GSG1L2: variants seen among roughly 807,000 people sequenced by gnomAD.
GSG1L2 encodes the protein germ cell-specific gene 1-like protein 2.
In GSG1L2, 15 loss-of-function variants were observed where a neutral mutation model predicts 9.0. The observed-to-expected ratio is 1.67, with a 90% CI of 1.12 to 2.57. GSG1L2 has a LOEUF of 2.57. Ranked by LOEUF, GSG1L2 falls within the 30% of genes most tolerant of loss-of-function variation. The pLI, the probability that GSG1L2 is intolerant of heterozygous loss-of-function variation, is 0.00. For synonymous variants in GSG1L2, 127 were observed against 57.9 expected, an observed-to-expected ratio of 2.19 and a Z score of -5.41; for missense variants, 286 against 150.3, an observed-to-expected ratio of 1.90 and a Z score of -4.72.
intron 1 of GSG1L2, among the ~76,000 whole-genome samples, chr17:9,815,548 T>C (rs961517470): frequency 1.3e-5 from 2 of 152,232 alleles, no homozygotes; most frequent in African/African-American, 4.8e-5. Context: ...AATTCCTGTA[T>C]CGGGGGACTT....
chr17:9,808,486 G>A (rs934706756), intron 3 of GSG1L2, among the ~76,000 whole-genome samples: 4 of 152,102 alleles, frequency 2.6e-5, no homozygotes, highest in Non-Finnish European at 4.4e-5. Context: ...CACCCATTAA[G>A]GAGACGTCTG....
At position 9,802,462 on chromosome 17, in the gene GSG1L2, CA is replaced by C; in HGVS notation, c.805del (p.Cys269AlafsTer75). 1 of 702,270 alleles carries C rather than the reference CA, an allele frequency of 1.4e-6. No homozygotes were observed. Among genetic ancestry groups the C allele is most frequent in the East Asian group, 2.7e-5 (1 of 37,276 alleles). 43.5% of individuals were successfully genotyped at this position (702,270 alleles called of 1,614,324 possible). A position where few individuals can be genotyped will look rare whatever the true frequency, so the allele number is the denominator to read the frequency against. Reference sequence around the variant, plus strand: ...ATTCCTGAAGGCTTGTTCAGCAGGGCAAGGAGCAGCTCCTGTTTTCCAAATG... The same window carrying C: ...ATTCCTGAAGGCTTGTTCAGCAGGGCAGGAGCAGCTCCTGTTTTCCAAATG... ...ESIWKTGAAP[C>X]PAEQAFRNVS... On this transcript the variant is annotated frameshift_variant, in exon 5 of 5. Coordinates refer to ENST00000399363, the MANE Select transcript of GSG1L2 (RefSeq NM_001310219.2). LOFTEE classifies it low-confidence loss of function (END_TRUNC).
intron 2 of GSG1L2, chr17:9,810,349 C>G: frequency 3.5e-6 from 2 of 579,644 alleles, no homozygotes; most frequent in Non-Finnish European, 6.1e-6. Context: ...TGCTGCCAAT[C>G]AGGGCTTCCC....
intron 1 of GSG1L2, among the ~76,000 whole-genome samples, chr17:9,819,822 T>C (rs896630335): frequency 1.3e-5 from 2 of 151,886 alleles, no homozygotes; most frequent in African/African-American, 2.4e-5. Context: ...TTAGTAGAGA[T>C]GGTATTTCAC....
At chr17:9,811,325 G>A (rs1006181724) in intron 1 of GSG1L2, among the ~76,000 whole-genome samples, 1 of 152,150 alleles carries the variant, frequency 6.6e-6, no homozygotes, top group Admixed American at 6.5e-5. Context: ...GGAAGGAATC[G>A]TTGTGTGTGT....
In GSG1L2 at chr17:9,808,877, T is replaced by C. The variant is rs939530794; in HGVS notation, c.464A>G (p.His155Arg). The change falls in exon 3 of 5, where the codon CAC becomes CGC. Residue 155 changes from histidine (H) to arginine (R), a missense_variant. Physicochemically the swap from His to Arg is conservative, Grantham distance 29. Coordinates refer to ENST00000399363, the MANE Select transcript of GSG1L2 (RefSeq NM_001310219.2). ...SRVSCRSPGF[H>R]WLRVDALVAI... ...TACCAAGGCATCCACCCTGAGCCAGTGGAACCCAGGGCTGCGACAACTCAC... is the reference window on the plus strand; with the variant it reads ...TACCAAGGCATCCACCCTGAGCCAGCGGAACCCAGGGCTGCGACAACTCAC... The C allele has an allele frequency of 1.4e-6, 1 of 702,944 alleles. No individual in the cohort carries two copies. Among genetic ancestry groups the C allele is most frequent in the South Asian group, 1.5e-5 (1 of 67,582 alleles). The allele number at this position is 702,944 out of a possible 1,614,324, so 43.5% of individuals were successfully genotyped here.
At chr17:9,808,725 A>G in intron 3 of GSG1L2, 105 bp downstream of exon 3, 1 of 622,686 alleles carries the variant, frequency 1.6e-6, no homozygotes, top group Non-Finnish European at 2.9e-6. Flanking sequence ...TTAAATGGCC[A>G]TTGATGGGAA....
At position 9,801,328 on chromosome 17, in the gene GSG1L2, C is replaced by T. The variant is rs2152021482; in HGVS notation, c.*1058G>A. 6.6e-6 allele frequency among the ~76,000 whole-genome samples: 1 copy of T among 152,166 alleles called. No individual in the cohort carries two copies. The highest frequency in any genetic ancestry group is 1.9e-4 in the East Asian group (1 of 5,182). On this transcript the variant is annotated 3_prime_UTR_variant, in exon 5 of 5. Transcript: ENST00000399363. Reference sequence around the variant, plus strand: ...GTTCAAGCGATTTCCCTGCCTCAGCCTCCTGAGTAGCTGGGATTACAGACA... The same window carrying T: ...GTTCAAGCGATTTCCCTGCCTCAGCTTCCTGAGTAGCTGGGATTACAGACA...
In GSG1L2 at chr17:9,801,727, C is replaced by CA. The variant is rs1176684488; in HGVS notation, c.*658dup. ...GCGATTTAATTTAAGCAGAACAACT[C>CA]AAACATGTGTTCCACTTAAACTAAG... On this transcript the variant is annotated 3_prime_UTR_variant, in exon 5 of 5. Coordinates refer to ENST00000399363, the MANE Select transcript of GSG1L2 (RefSeq NM_001310219.2). Among the ~76,000 whole-genome samples the CA allele has an allele frequency of 6.6e-6, 1 of 152,188 alleles. No individual in the cohort carries two copies. The highest frequency in any genetic ancestry group is 1.5e-5 in the Non-Finnish European group (1 of 68,014).
intron 1 of GSG1L2, among the ~76,000 whole-genome samples, chr17:9,816,896 CTGTG>C (rs201299125): frequency 2.2e-5 from 3 of 134,966 alleles, no homozygotes; most frequent in South Asian, 4.6e-4. Context: ...GTGTGTGTAT[CTGTG>C]TGTGTGTATC....
rs949293470 is a variant in GSG1L2 at position 9,801,380 on chromosome 17, A to G, written c.*1006T>C. Reference sequence around the variant, plus strand: ...GTGCCACCATGCTTGGCTATTTTTGATGTTTTTTTTTTTTTAGTAGAGACA... The same window carrying G: ...GTGCCACCATGCTTGGCTATTTTTGGTGTTTTTTTTTTTTTAGTAGAGACA... On this transcript the variant is annotated 3_prime_UTR_variant, in exon 5 of 5. Coordinates refer to ENST00000399363, the MANE Select transcript of GSG1L2 (RefSeq NM_001310219.2). Among the ~76,000 whole-genome samples, 2 of 148,208 alleles carry G rather than the reference A, an allele frequency of 1.3e-5. No individual in the cohort carries two copies. Among genetic ancestry groups the G allele is most frequent in the Non-Finnish European group, 3.0e-5 (2 of 67,062 alleles).
chr17:9,814,938 A>C (rs1439553571), intron 1 of GSG1L2, among the ~76,000 whole-genome samples: 2 of 152,190 alleles, frequency 1.3e-5, no homozygotes, highest in African/African-American at 4.8e-5. Context: ...AAACTCACCT[A>C]AGGAAAAGAA....
At position 9,821,963 on chromosome 17, in the gene GSG1L2, G is replaced by T. The variant is rs116486207; in HGVS notation, c.109C>A (p.Arg37=). 1 of 703,088 alleles carries T rather than the reference G, an allele frequency of 1.4e-6. No homozygotes were observed. The highest frequency in any genetic ancestry group is 1.5e-5 in the South Asian group (1 of 67,608). 43.6% of individuals were successfully genotyped at this position (703,088 alleles called of 1,614,324 possible). A position where few individuals can be genotyped will look rare whatever the true frequency, so the allele number is the denominator to read the frequency against. ...VSSHWCEGTR[R]VVKPLCQDQP... Reference sequence around the variant, plus strand: ...TCCTGGCACAGTGGCTTCACCACCCGTCGGGTCCCCTCACACCAGTGGCTG... The same window carrying T: ...TCCTGGCACAGTGGCTTCACCACCCTTCGGGTCCCCTCACACCAGTGGCTG... Residue 37 remains arginine (R), a synonymous_variant, in exon 1 of 5, where the codon CGG becomes AGG. Transcript: ENST00000399363.
chr17:9,805,421 CTT>C (rs1273826910), intron 4 of GSG1L2: 2 of 152,180 alleles, frequency 1.3e-5, no homozygotes, highest in African/African-American at 4.8e-5. Context: ...GTGTTGGACT[CTT>C]GACAGAAACT....
At chr17:9,818,839 A>T (rs1232564172) in intron 1 of GSG1L2, among the ~76,000 whole-genome samples, 1 of 152,114 alleles carries the variant, frequency 6.6e-6, no homozygotes, top group Non-Finnish European at 1.5e-5. Context: ...TCCACATCAT[A>T]GGTGCATCCT....
Position 9,807,544 on chromosome 17 carries a change from T to A in GSG1L2, c.569A>T (p.Asn190Ile). The A allele has an allele frequency of 1.4e-6, 1 of 703,194 alleles. No individual in the cohort carries two copies. Among genetic ancestry groups the A allele is most frequent in the South Asian group, 1.5e-5 (1 of 67,604 alleles). The allele number at this position is 703,194 out of a possible 1,614,324, so 43.6% of individuals were successfully genotyped here. The change falls in exon 4 of 5, where the codon AAC (asparagine) becomes ATC (isoleucine). Residue 190 changes from asparagine to isoleucine, a missense_variant. Physicochemically the swap from Asn to Ile is moderately radical, Grantham distance 149 (BLOSUM62 -3). Coordinates refer to ENST00000399363, the MANE Select transcript of GSG1L2 (RefSeq NM_001310219.2). Reference sequence around the variant, plus strand: ...AGGCTTCCAATCTTCTGGTCCAAGGTTCACAGTGATTTGAAAAATGGTTGT... The same window carrying A: ...AGGCTTCCAATCTTCTGGTCCAAGGATCACAGTGATTTGAAAAATGGTTGT... ...MYTTIFQITV[N>I]LGPEDWKPQT...
intron 1 of GSG1L2, among the ~76,000 whole-genome samples, chr17:9,813,496 TAA>T (rs1018860948): frequency 2.6e-4 from 39 of 152,190 alleles, no homozygotes; most frequent in Admixed American, 2.4e-3. Context: ...GCATTTCAAT[TAA>T]GTCACTTTGG....
chr17:9,804,431 T>C (rs759519597), intron 4 of GSG1L2: 9 of 152,202 alleles, frequency 5.9e-5, no homozygotes, highest in African/African-American at 1.4e-4. Flanking sequence ...AGCAGGCCCA[T>C]TGGAAGGCAG....
intron 3 of GSG1L2, 125 bp from the exon 4 acceptor site, chr17:9,807,726 AT>A: frequency 1.5e-6 from 1 of 646,980 alleles, no homozygotes; most frequent in South Asian, 1.7e-5. Flanking sequence ...ATCTGCATGT[AT>A]TCATCCTTAA....
Sources: allele counts gnomAD v4.1 joint callset (sites outside exome capture counted in the v4.1 genomes callset), GRCh38; gene constraint gnomAD v4.1.1; transcripts MANE v1.5; gene names NCBI Gene and HGNC (gene_info 2026-07-23, HGNC 2026-07-21).